KRT27: variants seen among roughly 807,000 people sequenced by gnomAD.
KRT27 encodes the protein keratin 27.
KRT27 carries 30 observed loss-of-function variants against 45.3 expected under a neutral mutation model. That is an observed-to-expected ratio of 0.66 (90% confidence interval 0.50 to 0.90). KRT27 has a LOEUF of 0.90. Ranked by LOEUF, KRT27 falls within the 40% of genes least tolerant of loss-of-function variation. The probability of loss-of-function intolerance (pLI) is 0.00; values close to 1 mark genes in which losing one functional copy is unlikely to be tolerated. For missense variants in KRT27, 610 were observed against 564.3 expected (o/e 1.08, Z -0.82); for synonymous variants, 204 against 223.9 (o/e 0.91, Z 0.79).
In KRT27 at chr17:40,777,009, A is replaced by AC. The variant is rs746727097; in HGVS notation, c.1369dup (p.Val457GlyfsTer9). On this transcript the variant is annotated frameshift_variant, in exon 8 of 8. Coordinates refer to ENST00000301656, the MANE Select transcript of KRT27 (RefSeq NM_181537.4). LOFTEE classifies it high-confidence loss of function. ...CTCAGAGGCTGGAGTTCAGGAAGACACCCTCTGTTCATTCTTGTTGTTGAC... is the reference window on the plus strand; with the variant it reads ...CTCAGAGGCTGGAGTTCAGGAAGACACCCCTCTGTTCATTCTTGTTGTTGAC... 6.2e-7 allele frequency: 1 copy of AC among 1,609,740 alleles called. No homozygotes were observed. Among genetic ancestry groups the AC allele is most frequent in the Non-Finnish European group, 8.5e-7 (1 of 1,176,688 alleles).
chr17:40,780,272 G>A, intron 3 of KRT27, 28 bp downstream of exon 3: 2 of 1,566,698 alleles, frequency 1.3e-6, no homozygotes, highest in South Asian at 2.3e-5. Flanking sequence ...GGAGGCGATT[G>A]TGAGAGCCAG....
At chr17:40,780,252 A>G in intron 3 of KRT27, 48 bp downstream of exon 3, 2 of 1,539,628 alleles carry the variant, frequency 1.3e-6, no homozygotes, top group Non-Finnish European at 1.7e-6. Context: ...TTAGTTTTAA[A>G]ATTTGGTAGG....
chr17:40,780,869 A>T (rs117920402), intron 2 of KRT27, among the ~76,000 whole-genome samples: 3,476 of 152,038 alleles, frequency 0.023, 56 homozygotes, highest in South Asian at 0.035. Flanking sequence ...ATAAATAAAT[A>T]AATAAATTAA....
At position 40,781,453 on chromosome 17, in the gene KRT27, C is replaced by T. The variant is rs56065124; in HGVS notation, c.445-183G>A. Among the ~76,000 whole-genome samples the T allele has an allele frequency of 7.3e-3, 1,103 of 152,078 alleles. 11 individuals are homozygous for T. The Middle Eastern group carries it at 0.082, about 11-fold the overall frequency. On this transcript the variant is annotated intron_variant, in intron 1 of 7. Coordinates refer to ENST00000301656, the MANE Select transcript of KRT27 (RefSeq NM_181537.4). Reference sequence around the variant, plus strand: ...CTCTCTCTGTCTTTTATTTTGAGACCGAGTCTCGCTCTGTTGCCCAGGCTG... The same window carrying T: ...CTCTCTCTGTCTTTTATTTTGAGACTGAGTCTCGCTCTGTTGCCCAGGCTG...
At chr17:40,778,274 G>T (rs1306681576) in intron 5 of KRT27, among the ~76,000 whole-genome samples, 3 of 152,186 alleles carry the variant, frequency 2.0e-5, no homozygotes, top group Non-Finnish European at 4.4e-5. Context: ...ATCTGAATGG[G>T]TTTACAGATA....
In KRT27 at chr17:40,776,912, G is replaced by A. The variant is rs1295227461; in HGVS notation, c.*87C>T. ...CTTGTCTTAATTCATTGGAAGAAAAGCAGAAAAATAAGGGGACCCTTATTT... is the reference window on the plus strand; with the variant it reads ...CTTGTCTTAATTCATTGGAAGAAAAACAGAAAAATAAGGGGACCCTTATTT... On this transcript the variant is annotated 3_prime_UTR_variant, in exon 8 of 8. Transcript: ENST00000301656. 13 of 1,221,156 alleles carry A rather than the reference G, an allele frequency of 1.1e-5. No individual in the cohort carries two copies. The highest frequency in any genetic ancestry group is 1.4e-5 in the Non-Finnish European group (12 of 867,962). 75.6% of individuals were successfully genotyped at this position (1,221,156 alleles called of 1,614,324 possible).
chr17:40,782,033 G>A lies in KRT27; in HGVS notation c.444+17C>T, dbSNP rs138882229. On this transcript the variant is annotated intron_variant, in intron 1 of 7. Coordinates refer to ENST00000301656, the MANE Select transcript of KRT27 (RefSeq NM_181537.4). ...CACTCTCAGGAGTGCTAACACTCACGCCATGGCGTTTCTTACCTGGTTCTT... is the reference window on the plus strand; with the variant it reads ...CACTCTCAGGAGTGCTAACACTCACACCATGGCGTTTCTTACCTGGTTCTT... The A allele has an allele frequency of 1.9e-3, 2,962 of 1,597,990 alleles. 4 individuals carry two copies. The highest frequency in any genetic ancestry group is 4.7e-3 in the African/African-American group (351 of 74,928).
Position 40,777,639 on chromosome 17 carries a change from G to T in KRT27, c.1066C>A (p.Gln356Lys). The T allele has an allele frequency of 6.2e-7, 1 of 1,614,092 alleles. No homozygotes were observed. Among genetic ancestry groups the T allele is most frequent in the Non-Finnish European group, 8.5e-7 (1 of 1,179,996 alleles). Residue 356 changes from glutamine (Q) to lysine (K), a missense_variant, in exon 6 of 8, where the codon CAG becomes AAG. By Grantham distance (53) the Gln-to-Lys change is moderately conservative. Transcript: ENST00000301656. The stretch of plus-strand genomic sequence containing the variant: ...GTCTCGGTTCTGACCTGGTGCAGCT[G>T]CTCCTCCAGGGCCCCGATCTGAGCC... ...IQAQIGALEE[Q>K]LHQVRTETEG...
intron 5 of KRT27, among the ~76,000 whole-genome samples, chr17:40,778,327 A>G (rs1334390364): frequency 1.3e-5 from 2 of 152,232 alleles, no homozygotes; most frequent in Non-Finnish European, 2.9e-5. Flanking sequence ...TGGAATGAAG[A>G]TGAGAGTGTC....
Position 40,782,065 on chromosome 17 carries a change from G to A in KRT27, c.429C>T (p.Asp143=), listed in dbSNP as rs376681073. The change falls in exon 1 of 8, where the codon GAC becomes GAT. Residue 143 remains aspartate, a synonymous_variant. Coordinates refer to ENST00000301656, the MANE Select transcript of KRT27 (RefSeq NM_181537.4). ...HDYSRYFPII[D]ELKNQIISAT... Reference sequence around the variant, plus strand: ...CGTTTCTTACCTGGTTCTTAAGTTCGTCAATAATTGGGAAATATCTGCTGT... The same window carrying A: ...CGTTTCTTACCTGGTTCTTAAGTTCATCAATAATTGGGAAATATCTGCTGT... The A allele has an allele frequency of 1.1e-5, 17 of 1,611,158 alleles. No homozygotes were observed. The highest frequency in any genetic ancestry group is 2.7e-5 in the African/African-American group (2 of 75,012).
chr17:40,779,340 A>C (rs566135796), intron 5 of KRT27, among the ~76,000 whole-genome samples, 162 bp downstream of exon 5: 3 of 152,374 alleles, frequency 2.0e-5, no homozygotes, highest in African/African-American at 7.2e-5. Flanking sequence ...TATACTTTGT[A>C]GGCAAAGAGG....
At position 40,777,653 on chromosome 17, in the gene KRT27, C is replaced by A. The variant is rs1392459019; in HGVS notation, c.1052G>T (p.Gly351Val). 3.1e-6 allele frequency: 5 copies of A among 1,613,916 alleles called. No individual in the cohort carries two copies. Residue 351 changes from glycine (G) to valine (V), a missense_variant, in exon 6 of 8, where the codon GGG becomes GTG. Coordinates refer to ENST00000301656, the MANE Select transcript of KRT27 (RefSeq NM_181537.4). The stretch of plus-strand genomic sequence containing the variant: ...CTGGTGCAGCTGCTCCTCCAGGGCC[C>A]CGATCTGAGCCTGGATCTGTGCCAG... Reference protein sequence around the residue: ...AQLAQIQAQIGALEEQLHQVR... With the variant: ...AQLAQIQAQIVALEEQLHQVR...
chr17:40,781,562 T>G (rs2038311806), intron 1 of KRT27, among the ~76,000 whole-genome samples: 2 of 152,238 alleles, frequency 1.3e-5, no homozygotes, highest in African/African-American at 4.8e-5. Context: ...CCCAAGTAGC[T>G]GGGATTACAG....
At position 40,779,792 on chromosome 17, in the gene KRT27, C is replaced by A. The variant is rs200018143; in HGVS notation, c.754G>T (p.Asp252Tyr). The change falls in exon 4 of 8, where the codon GAC (aspartate) becomes TAC (tyrosine). Residue 252 changes from aspartate to tyrosine, a missense_variant. Asp to Tyr is a radical substitution (Grantham distance 160). Transcript: ENST00000301656. Reference sequence around the variant, plus strand: ...ATATTGTTCAGCAGAACCGTGAGGTCTACCCCGGGGGCCGCGTTCATCTCC... The same window carrying A: ...ATATTGTTCAGCAGAACCGTGAGGTATACCCCGGGGGCCGCGTTCATCTCC... ...NVEMNAAPGV[D>Y]LTVLLNNMRA... The A allele has an allele frequency of 1.1e-4, 175 of 1,614,156 alleles. No homozygotes were observed. Among genetic ancestry groups the A allele is most frequent in the Admixed American group, 2.5e-4 (15 of 60,012 alleles).
At chr17:40,780,865 A>T (rs553555981) in intron 2 of KRT27, among the ~76,000 whole-genome samples, 74 of 152,166 alleles carry the variant, frequency 4.9e-4, no homozygotes, top group Non-Finnish European at 8.1e-4. Context: ...ATAAATAAAT[A>T]AATAAATAAA....
At chr17:40,779,287 G>A (rs2038289046) in intron 5 of KRT27, among the ~76,000 whole-genome samples, 1 of 152,122 alleles carries the variant, frequency 6.6e-6, no homozygotes, top group African/African-American at 2.4e-5. Context: ...TATCTTGACT[G>A]TATTTGCTAA....
rs148669270 is a variant in KRT27 at position 40,779,693 on chromosome 17, GT to G, written c.846+6del. 6.2e-7 allele frequency: 1 copy of G among 1,613,800 alleles called. No individual in the cohort carries two copies. Among genetic ancestry groups the G allele is most frequent in the Admixed American group, 1.7e-5 (1 of 59,956 alleles). On this transcript the variant is annotated splice_donor_region_variant and intron_variant, in intron 4 of 7. Coordinates refer to ENST00000301656, the MANE Select transcript of KRT27 (RefSeq NM_181537.4). ...CCGCGCCCGGGCGCACCCAAGCGTG[GT>G]TTTACCTTTTCGTTGAACCAGGCCT...
intron 2 of KRT27, 105 bp downstream of exon 2, chr17:40,781,083 T>C (rs2038307626): frequency 7.9e-6 from 5 of 630,672 alleles, no homozygotes; most frequent in Non-Finnish European, 1.3e-5. Context: ...AATACATGAA[T>C]AAACAAGAAC....
At position 40,782,070 on chromosome 17, in the gene KRT27, T is replaced by C; in HGVS notation, c.424A>G (p.Ile142Val). The change falls in exon 1 of 8, where the codon ATT becomes GTT. Residue 142 changes from isoleucine (I) to valine (V), a missense_variant. By Grantham distance (29) the Ile-to-Val change is conservative. Coordinates refer to ENST00000301656, the MANE Select transcript of KRT27 (RefSeq NM_181537.4). ...DHDYSRYFPIIDELKNQIISA... is the reference protein window; with the variant it reads ...DHDYSRYFPIVDELKNQIISA... ...CTTACCTGGTTCTTAAGTTCGTCAA[T>C]AATTGGGAAATATCTGCTGTAATCA... is the stretch of plus-strand genomic sequence containing the variant. The C allele has an allele frequency of 6.2e-7, 1 of 1,612,236 alleles. No individual in the cohort carries two copies. Among genetic ancestry groups the C allele is most frequent in the African/African-American group, 1.3e-5 (1 of 75,054 alleles).
Sources: gnomAD v4.1 joint callset for allele counts (sites outside exome capture counted in the v4.1 genomes callset) on GRCh38, gnomAD v4.1.1 for gene constraint, MANE v1.5 for transcripts, NCBI Gene and HGNC (gene_info 2026-07-23, HGNC 2026-07-21) for gene names.